CNOT1: variants seen among roughly 807,000 people sequenced by gnomAD.
CNOT1 encodes CCR4-associated factor 1.
A neutral mutation model predicts 273.8 loss-of-function variants in CNOT1; 15 were observed. That is an observed-to-expected ratio of 0.05 (90% CI 0.04 to 0.08). CNOT1 has a LOEUF of 0.08. CNOT1 is among the 10% of genes least tolerant of loss of function. The pLI, the probability that CNOT1 is intolerant of heterozygous loss-of-function variation, is 1.00. For synonymous variants in CNOT1, 1,022 were observed against 1,005.5 expected (o/e 1.02, Z -0.31); for missense variants, 1,644 against 2,912.2 (o/e 0.56, Z 10.02).
intron 39 of CNOT1, among the ~76,000 whole-genome samples, chr16:58,535,683 G>A (rs2039905481): frequency 6.6e-6 from 1 of 151,772 alleles, no homozygotes; most frequent in Admixed American, 6.6e-5. Flanking sequence ...AATATACTCG[G>A]TATGATTTAC....
intron 47 of CNOT1, among the ~76,000 whole-genome samples, 198 bp from the exon 48 acceptor site, chr16:58,521,515 T>C (rs185015048): frequency 6.6e-6 from 1 of 152,350 alleles, no homozygotes; most frequent in East Asian, 1.9e-4. Context: ...CTCTTAGCCG[T>C]AGAAGACTAA....
chr16:58,558,755 T>A, intron 17 of CNOT1, 81 bp from the exon 18 acceptor site: 4 of 1,525,664 alleles, frequency 2.6e-6, no homozygotes, highest in Non-Finnish European at 3.5e-6. Context: ...TAACAACAGC[T>A]CTTCATAATC....
Position 58,541,383 on chromosome 16 carries a change from T to C in CNOT1, c.4800+118A>G, listed in dbSNP as rs1249165708. ...AAGAATACCTACAACTCAAAAACTA[T>C]AGGTGTTTTTTCCCCTGTAAATTAT... is the stretch of plus-strand genomic sequence containing the variant. On this transcript the variant is annotated intron_variant, in intron 34 of 48. Coordinates refer to ENST00000317147, the MANE Select transcript of CNOT1 (RefSeq NM_016284.5). 1.9e-5 allele frequency: 27 copies of C among 1,443,914 alleles called. No homozygotes were observed. The East Asian group carries it at 5.3e-4, about 28-fold the overall frequency. The allele number at this position is 1,443,914 out of a possible 1,614,324, so 89.4% of individuals were successfully genotyped here. A position where few individuals can be genotyped will look rare whatever the true frequency, so the allele number is the denominator to read the frequency against.
Position 58,524,058 on chromosome 16 carries a change from G to A in CNOT1, c.6785-556C>T, listed in dbSNP as rs371226808. Reference sequence around the variant, plus strand: ...AGGTCAGGGGTTCAAGACCAGCGTGGCCAACATGGTGAAACCCCATCTCTA... The same window carrying A: ...AGGTCAGGGGTTCAAGACCAGCGTGACCAACATGGTGAAACCCCATCTCTA... On this transcript the variant is annotated intron_variant, in intron 46 of 48. Coordinates refer to ENST00000317147, the MANE Select transcript of CNOT1 (RefSeq NM_016284.5). 1.4e-4 allele frequency among the ~76,000 whole-genome samples: 21 copies of A among 152,074 alleles called. No homozygotes were observed. In the East Asian group the frequency reaches 3.5e-3, roughly 25 times the overall value.
chr16:58,622,794 C>A (rs151811), intron 1 of CNOT1, among the ~76,000 whole-genome samples: 50,983 of 149,990 alleles, frequency 0.34, 9,980 homozygotes, highest in Non-Finnish European at 0.45. Flanking sequence ...TTGCAGTGAG[C>A]TGAGATCGCA....
At position 58,560,557 on chromosome 16, in the gene CNOT1, C is replaced by T. The variant is rs541941218; in HGVS notation, c.1980-195G>A. 4.1e-4 allele frequency among the ~76,000 whole-genome samples: 63 copies of T among 152,076 alleles called. 2 individuals carry two copies. The highest frequency in any genetic ancestry group is 1.5e-3 in the African/African-American group (62 of 41,494). On this transcript the variant is annotated intron_variant, in intron 16 of 48. Transcript: ENST00000317147. Reference sequence around the variant, plus strand: ...AAGCGATTCTTCTGCCTCAGCCTCCCGAGTACCAATCTGATTTTCTAATAA... The same window carrying T: ...AAGCGATTCTTCTGCCTCAGCCTCCTGAGTACCAATCTGATTTTCTAATAA...
chr16:58,559,020 T>C (rs2040740113), intron 17 of CNOT1, among the ~76,000 whole-genome samples: 1 of 152,260 alleles, frequency 6.6e-6, no homozygotes, highest in Admixed American at 6.5e-5. Flanking sequence ...ATGGGACCCA[T>C]GTCAAAACAT....
chr16:58,538,361 C>G (rs2039982413), intron 36 of CNOT1, 95 bp from the exon 37 acceptor site: 2 of 705,810 alleles, frequency 2.8e-6, no homozygotes, highest in East Asian at 2.6e-5. Flanking sequence ...ACTAAGAATG[C>G]CTTGAGATTC....
Position 58,588,847 on chromosome 16 carries a change from A to G in CNOT1, c.162T>C (p.His54=), listed in dbSNP as rs146964478. 73 of 1,614,006 alleles carry G rather than the reference A, an allele frequency of 4.5e-5. No individual in the cohort carries two copies. The African/African-American group carries it at 9.2e-4, about 20-fold the overall frequency. The change falls in exon 3 of 49, where the codon CAT becomes CAC. Residue 54 remains histidine, a synonymous_variant. Coordinates refer to ENST00000317147, the MANE Select transcript of CNOT1 (RefSeq NM_016284.5). ...TTTTACCATCGCCACTGAAATCCAC[A>G]TGCGAAAATAGGCAGCGTAATAAAT... ...DRHLLRCLFS[H]VDFSGDGKSS... is the part of the protein sequence containing the mutation.
chr16:58,533,419 A>G (rs37063), intron 40 of CNOT1, among the ~76,000 whole-genome samples: 36,926 of 151,914 alleles, frequency 0.24, 4,881 homozygotes, highest in East Asian at 0.38. Context: ...GGCGGATCAC[A>G]AGGTTGGGAG....
At chr16:58,576,634 ATAT>A in intron 13 of CNOT1, 52 bp from the exon 14 acceptor site, 1 of 1,606,774 alleles carries the variant, frequency 6.2e-7, no homozygotes, top group Non-Finnish European at 8.5e-7. Flanking sequence ...ACTGTGATAG[ATAT>A]TATTACAAAT....
intron 1 of CNOT1, among the ~76,000 whole-genome samples, chr16:58,616,398 G>A (rs572800277): frequency 1.0e-4 from 15 of 150,558 alleles, no homozygotes; most frequent in African/African-American, 3.6e-4. Flanking sequence ...GAGCCACCAC[G>A]CCCGGCCTAC....
chr16:58,533,756 C>T (rs1320852863), intron 40 of CNOT1, among the ~76,000 whole-genome samples: 7 of 152,132 alleles, frequency 4.6e-5, no homozygotes, highest in South Asian at 4.1e-4. Context: ...ACCTAGGAGG[C>T]GGAGTTTGCA....
intron 1 of CNOT1, among the ~76,000 whole-genome samples, chr16:58,606,379 AC>A (rs140443480): frequency 2.0e-5 from 2 of 101,814 alleles, no homozygotes; most frequent in Non-Finnish European, 4.2e-5. Flanking sequence ...ATACAGTGAG[AC>A]CCCGTCCCTT....
intron 41 of CNOT1, 71 bp from the exon 42 acceptor site, chr16:58,532,146 C>T (rs888029702): frequency 1.2e-6 from 2 of 1,606,032 alleles, no homozygotes; most frequent in Non-Finnish European, 1.7e-6. Context: ...TGAATGTAGG[C>T]TCAAAATGCT....
chr16:58,616,647 T>C (rs1247137305), intron 1 of CNOT1, among the ~76,000 whole-genome samples: 1 of 152,198 alleles, frequency 6.6e-6, no homozygotes, highest in Non-Finnish European at 1.5e-5. Flanking sequence ...ATAGTGCTTA[T>C]TTTTCATAAT....
At chr16:58,553,747 T>C (rs1441172817) in intron 22 of CNOT1, 35 bp downstream of exon 22, 9 of 1,597,964 alleles carry the variant, frequency 5.6e-6, no homozygotes, top group Middle Eastern at 1.7e-4. Context: ...AAATACTACA[T>C]AGCTATTTGG....
At chr16:58,607,721 C>CAAAAAAAAA (rs71385179) in intron 1 of CNOT1, among the ~76,000 whole-genome samples, 35 of 67,084 alleles carry the variant, frequency 5.2e-4, no homozygotes, top group African/African-American at 7.5e-4. Flanking sequence ...CAGCAAAACT[C>CAAAAAAAAA]AAAAAAAAAA....
chr16:58,532,573 CTTCAGTG>C (rs2039804558), intron 40 of CNOT1, 178 bp from the exon 41 acceptor site: 1 of 1,111,682 alleles, frequency 9.0e-7, no homozygotes, highest in Non-Finnish European at 1.2e-6. Flanking sequence ...CTGACTCCGC[CTTCAGTG>C]TTTTGTGTGT....
Sources: allele counts gnomAD v4.1 joint callset (sites outside exome capture counted in the v4.1 genomes callset), GRCh38; gene constraint gnomAD v4.1.1; transcripts MANE v1.5; gene names NCBI Gene and HGNC (gene_info 2026-07-23, HGNC 2026-07-21).